NEGR1: variants seen among roughly 807,000 people sequenced by gnomAD.
NEGR1 encodes IgLON family member 4.
A neutral mutation model predicts 40.9 loss-of-function variants in NEGR1; 10 were observed. That is an observed-to-expected ratio of 0.24 (90% confidence interval 0.15 to 0.42). The LOEUF is 0.42. Ranked by LOEUF, NEGR1 falls within the 10% of genes least tolerant of loss-of-function variation. The pLI, the probability that NEGR1 is intolerant of heterozygous loss-of-function variation, is 1.00. For missense variants in NEGR1, 352 were observed against 438.9 expected, an observed-to-expected ratio of 0.80 and a Z score of 1.77; for synonymous variants, 185 against 166.8, an observed-to-expected ratio of 1.11 and a Z score of -0.84.
rs1646279152 is a variant in NEGR1 at position 71,406,581 on chromosome 1, T to C, written c.*865A>G. The C allele has an allele frequency of 6.6e-6, 1 of 152,172 alleles. No individual in the cohort carries two copies. The highest frequency in any genetic ancestry group is 6.6e-5 in the Admixed American group (1 of 15,214). The allele number at this position is 152,172 out of a possible 1,614,324, so 9.4% of individuals were successfully genotyped here. A position where few individuals can be genotyped will look rare whatever the true frequency, so the allele number is the denominator to read the frequency against. ...TAACATTTAGCTACAACTAAAGAAA[T>C]CATATGGTATATTTACTATACTGTT... On this transcript the variant is annotated 3_prime_UTR_variant, in exon 7 of 7. Transcript: ENST00000357731.
At chr1:71,715,864 C>A (rs1272018068) in intron 3 of NEGR1, among the ~76,000 whole-genome samples, 1 of 152,088 alleles carries the variant, frequency 6.6e-6, no homozygotes, top group Non-Finnish European at 1.5e-5. Flanking sequence ...TCTTTTGAAC[C>A]CTCCAAACTG....
chr1:71,995,665 C>T (rs1233478457), intron 1 of NEGR1, among the ~76,000 whole-genome samples: 1 of 152,108 alleles, frequency 6.6e-6, no homozygotes, highest in Non-Finnish European at 1.5e-5. Context: ...AGGCCTCAAA[C>T]ATTTTCAAGA....
At chr1:72,053,610 A>G (rs770995117) in intron 1 of NEGR1, among the ~76,000 whole-genome samples, 1 of 151,162 alleles carries the variant, frequency 6.6e-6, no homozygotes, top group African/African-American at 2.4e-5. Context: ...AATTGCAAGG[A>G]ACCATAGTAA....
intron 6 of NEGR1, among the ~76,000 whole-genome samples, chr1:71,462,582 GC>G (rs1261804105): frequency 6.6e-6 from 1 of 152,074 alleles, no homozygotes; most frequent in Non-Finnish European, 1.5e-5. Flanking sequence ...AGGGAGAGAA[GC>G]TTTTGTACTA....
At chr1:72,060,412 G>A (rs371040521) in intron 1 of NEGR1, among the ~76,000 whole-genome samples, 13 of 151,704 alleles carry the variant, frequency 8.6e-5, no homozygotes, top group African/African-American at 2.9e-4. Flanking sequence ...ATTTCCCCCC[G>A]AAGGGTACAA....
intron 2 of NEGR1, among the ~76,000 whole-genome samples, chr1:71,882,962 T>A (rs1660622264): frequency 6.6e-6 from 1 of 152,160 alleles, no homozygotes; most frequent in South Asian, 2.1e-4. Flanking sequence ...ATGGGGTAGG[T>A]ATTTAAAATG....
chr1:72,139,099 C>CAA (rs56186748), intron 1 of NEGR1, among the ~76,000 whole-genome samples: 2,324 of 147,796 alleles, frequency 0.016, 35 homozygotes, highest in African/African-American at 0.034. Flanking sequence ...GCTCATGAGT[C>CAA]AAAAAAAAAA....
intron 1 of NEGR1, among the ~76,000 whole-genome samples, chr1:72,074,625 A>G (rs1647640440): frequency 6.6e-6 from 1 of 152,118 alleles, no homozygotes; most frequent in Non-Finnish European, 1.5e-5. Flanking sequence ...TTATTTGAGA[A>G]TGATACAATA....
intron 6 of NEGR1, among the ~76,000 whole-genome samples, chr1:71,509,463 G>A (rs1478982686): frequency 2.0e-5 from 3 of 152,208 alleles, no homozygotes; most frequent in Admixed American, 2.0e-4. Flanking sequence ...TCAGGCAATG[G>A]CAGTTACTCA....
chr1:72,067,917 C>A (rs963929674), intron 1 of NEGR1, among the ~76,000 whole-genome samples: 1 of 152,020 alleles, frequency 6.6e-6, no homozygotes, highest in Non-Finnish European at 1.5e-5. Flanking sequence ...AAATATTATT[C>A]CTTTGTATCT....
chr1:71,961,848 C>A (rs142877007), intron 1 of NEGR1, among the ~76,000 whole-genome samples: 1 of 152,152 alleles, frequency 6.6e-6, no homozygotes, highest in East Asian at 1.9e-4. Context: ...GTTTGAAATT[C>A]CATTTTTCCA....
At chr1:71,564,170 G>A (rs1242422256) in intron 6 of NEGR1, among the ~76,000 whole-genome samples, 3 of 151,958 alleles carry the variant, frequency 2.0e-5, no homozygotes, top group African/African-American at 4.8e-5. Flanking sequence ...TCTGACTTTC[G>A]CAAGATCTCA....
At chr1:72,166,503 C>T (rs1455996220) in intron 1 of NEGR1, among the ~76,000 whole-genome samples, 1 of 152,084 alleles carries the variant, frequency 6.6e-6, no homozygotes, top group Non-Finnish European at 1.5e-5. Context: ...GCGCTATTCA[C>T]AATAGCCAAG....
chr1:71,689,133 G>C (rs1291928926), intron 4 of NEGR1, among the ~76,000 whole-genome samples: 1 of 152,046 alleles, frequency 6.6e-6, no homozygotes, highest in South Asian at 2.1e-4. Context: ...AGGATGAAAA[G>C]TTTGCCCAGA....
At chr1:71,448,913 G>A (rs1312664820) in intron 6 of NEGR1, among the ~76,000 whole-genome samples, 2 of 152,156 alleles carry the variant, frequency 1.3e-5, no homozygotes, top group Admixed American at 6.5e-5. Flanking sequence ...TCTCATTTCC[G>A]CCTCTTTCAA....
intron 6 of NEGR1, among the ~76,000 whole-genome samples, chr1:71,445,115 A>T (rs548093085): frequency 1.5e-4 from 23 of 152,188 alleles, no homozygotes; most frequent in Non-Finnish European, 2.6e-4. Context: ...CTAAACTGGA[A>T]ATGACAAAGC....
chr1:71,937,514 T>G (rs976520215), intron 1 of NEGR1, among the ~76,000 whole-genome samples: 3 of 152,168 alleles, frequency 2.0e-5, no homozygotes, highest in Non-Finnish European at 4.4e-5. Context: ...TTTCAGGGTA[T>G]AGATTGCAAA....
At chr1:72,172,282 G>T (rs554067099) in intron 1 of NEGR1, among the ~76,000 whole-genome samples, 7 of 152,052 alleles carry the variant, frequency 4.6e-5, no homozygotes, top group Non-Finnish European at 1.0e-4. Context: ...CAATAATTTT[G>T]TCATTAGAAC....
At chr1:71,734,321 A>G (rs891835989) in intron 3 of NEGR1, among the ~76,000 whole-genome samples, 2 of 152,190 alleles carry the variant, frequency 1.3e-5, no homozygotes, top group Non-Finnish European at 2.9e-5. Flanking sequence ...TACTTTGGGC[A>G]AGATATTTAA....
Sources: gnomAD v4.1 joint callset for allele counts (sites outside exome capture counted in the v4.1 genomes callset) on GRCh38, gnomAD v4.1.1 for gene constraint, MANE v1.5 for transcripts, NCBI Gene and HGNC (gene_info 2026-07-23, HGNC 2026-07-21) for gene names.